Variants in CDH12 observed in about 807,000 individuals in gnomAD.
CDH12 encodes the protein cadherin-12.
In CDH12, 41 loss-of-function variants were observed where a neutral mutation model predicts 74.1. That is an observed-to-expected ratio of 0.55 (90% CI 0.43 to 0.72). The LOEUF (loss-of-function observed/expected upper bound fraction) is 0.72, where lower values mean the gene tolerates loss of function less well. CDH12 is among the 30% of genes least tolerant of loss of function. CDH12 has a pLI of 0.00. For missense variants in CDH12, 945 were observed against 977.2 expected, an observed-to-expected ratio of 0.97 and a Z score of 0.44; for synonymous variants, 399 against 355.0, an observed-to-expected ratio of 1.12 and a Z score of -1.39.
At chr5:22,616,729 G>A (rs1227296447) in intron 1 of CDH12, among the ~76,000 whole-genome samples, 2 of 152,046 alleles carry the variant, frequency 1.3e-5, no homozygotes, top group African/African-American at 4.8e-5. Context: ...TGAGTGCTAT[G>A]ATCTGAATGT....
At chr5:22,255,567 A>C (rs1371564018) in intron 3 of CDH12, among the ~76,000 whole-genome samples, 1 of 151,738 alleles carries the variant, frequency 6.6e-6, no homozygotes, top group Non-Finnish European at 1.5e-5. Context: ...TTACTAGAAA[A>C]ATATTTATGT....
intron 1 of CDH12, among the ~76,000 whole-genome samples, chr5:22,601,586 T>G (rs1736856168): frequency 6.6e-6 from 1 of 152,018 alleles, no homozygotes. Flanking sequence ...TTACTTAGTT[T>G]TGGAGAAATT....
intron 3 of CDH12, among the ~76,000 whole-genome samples, chr5:22,218,611 C>T (rs1417024445): frequency 1.3e-5 from 2 of 151,640 alleles, no homozygotes; most frequent in Non-Finnish European, 3.0e-5. Flanking sequence ...CACAAGAAAA[C>T]CCTTGGGACA....
At chr5:22,741,373 T>A (rs1400792465) in intron 1 of CDH12, among the ~76,000 whole-genome samples, 2 of 152,206 alleles carry the variant, frequency 1.3e-5, no homozygotes, top group African/African-American at 4.8e-5. Context: ...GAAACAAGTA[T>A]GCTATTTCCC....
chr5:22,547,205 G>T (rs1354167985), intron 1 of CDH12, among the ~76,000 whole-genome samples: 1 of 152,118 alleles, frequency 6.6e-6, no homozygotes, highest in Non-Finnish European at 1.5e-5. Flanking sequence ...GTGAAAGTTA[G>T]TTTTAAAAGG....
At chr5:22,529,078 T>C (rs1456708041) in intron 1 of CDH12, among the ~76,000 whole-genome samples, 7 of 150,846 alleles carry the variant, frequency 4.6e-5, no homozygotes, top group Non-Finnish European at 1.0e-4. Context: ...TATATGCATA[T>C]ATATGCATGC....
intron 1 of CDH12, among the ~76,000 whole-genome samples, chr5:22,619,796 C>T (rs757301923): frequency 1.3e-5 from 2 of 151,764 alleles, no homozygotes; most frequent in Non-Finnish European, 2.9e-5. Flanking sequence ...TACAGGATTG[C>T]TTATCAACAT....
At position 22,092,955 on chromosome 5, in the gene CDH12, A is replaced by C. The variant is rs552605172; in HGVS notation, c.-186-14093T>G. On this transcript the variant is annotated intron_variant, in intron 4 of 14. Coordinates refer to ENST00000382254, the MANE Select transcript of CDH12 (RefSeq NM_004061.5). ...CAAGGAAAATGATGTCACTGTGAGA[A>C]GCAGTTAACACACAACAAGCTTTAG... 3.3e-5 allele frequency among the ~76,000 whole-genome samples: 5 copies of C among 152,338 alleles called. No homozygotes were observed. The South Asian group carries it at 1.0e-3, about 32-fold the overall frequency.
intron 3 of CDH12, among the ~76,000 whole-genome samples, chr5:22,227,788 C>G (rs1752245829): frequency 6.6e-6 from 1 of 152,110 alleles, no homozygotes; most frequent in African/African-American, 2.4e-5. Flanking sequence ...CATAATGGCG[C>G]CAGGAGGCTG....
At chr5:22,107,738 C>T (rs1327360235) in intron 4 of CDH12, among the ~76,000 whole-genome samples, 1 of 151,990 alleles carries the variant, frequency 6.6e-6, no homozygotes, top group Non-Finnish European at 1.5e-5. Context: ...ATCTTACTGG[C>T]CTGTATTAGA....
At chr5:22,852,063 A>C (rs886877904) in intron 1 of CDH12, among the ~76,000 whole-genome samples, 1 of 151,884 alleles carries the variant, frequency 6.6e-6, no homozygotes, top group Non-Finnish European at 1.5e-5. Context: ...TTCAGAATCT[A>C]CTCTATTTGA....
chr5:22,217,498 G>T lies in CDH12; in HGVS notation c.-332-4855C>A, dbSNP rs565023982. On this transcript the variant is annotated intron_variant, in intron 3 of 14. Coordinates refer to ENST00000382254, the MANE Select transcript of CDH12 (RefSeq NM_004061.5). ...AGCAGAGTGCATAATTAAAAGAAAAGAAATGGCTTTTGTAGACATAATTGC... is the reference window on the plus strand; with the variant it reads ...AGCAGAGTGCATAATTAAAAGAAAATAAATGGCTTTTGTAGACATAATTGC... Among the ~76,000 whole-genome samples the T allele has an allele frequency of 1.6e-4, 25 of 151,674 alleles. No homozygotes were observed. The South Asian group carries it at 3.9e-3, about 24-fold the overall frequency.
At chr5:21,984,054 C>T (rs1369308284) in intron 5 of CDH12, among the ~76,000 whole-genome samples, 1 of 152,120 alleles carries the variant, frequency 6.6e-6, no homozygotes, top group East Asian at 1.9e-4. Context: ...GAGTCTTCGC[C>T]ATTCATAAGG....
chr5:22,239,587 T>C (rs1022408845), intron 3 of CDH12, among the ~76,000 whole-genome samples: 3 of 152,154 alleles, frequency 2.0e-5, no homozygotes, highest in African/African-American at 7.2e-5. Context: ...AAATAGAGGA[T>C]AGGTGGATAG....
intron 3 of CDH12, among the ~76,000 whole-genome samples, chr5:22,245,588 G>T (rs1266835501): frequency 2.6e-5 from 4 of 151,812 alleles, no homozygotes; most frequent in African/African-American, 9.7e-5. Flanking sequence ...TTAATACCTT[G>T]AATGTAAGAA....
At chr5:22,821,195 T>TA in intron 1 of CDH12, among the ~76,000 whole-genome samples, 1 of 152,150 alleles carries the variant, frequency 6.6e-6, no homozygotes, top group Non-Finnish European at 1.5e-5. Context: ...CGCTTCATGC[T>TA]AAAAACTCTC....
chr5:22,016,978 C>T (rs1737649727), intron 5 of CDH12, among the ~76,000 whole-genome samples: 1 of 152,070 alleles, frequency 6.6e-6, no homozygotes, highest in South Asian at 2.1e-4. Flanking sequence ...AAAAATGCCT[C>T]TGCCCCACTC....
chr5:21,863,928 C>T (rs1380584395), intron 6 of CDH12, among the ~76,000 whole-genome samples: 2 of 152,030 alleles, frequency 1.3e-5, no homozygotes, highest in African/African-American at 4.8e-5. Context: ...ATATACATTG[C>T]ATTATGATCT....
chr5:22,827,039 C>T (rs912934188), intron 1 of CDH12, among the ~76,000 whole-genome samples: 2 of 152,262 alleles, frequency 1.3e-5, no homozygotes, highest in African/African-American at 4.8e-5. Flanking sequence ...TGCAGCAGCC[C>T]CTCCCGTTAC....
Sources: gnomAD v4.1 joint callset for allele counts (sites outside exome capture counted in the v4.1 genomes callset) on GRCh38, gnomAD v4.1.1 for gene constraint, MANE v1.5 for transcripts, NCBI Gene and HGNC (gene_info 2026-07-23, HGNC 2026-07-21) for gene names.